INF2: variants seen among roughly 807,000 people sequenced by gnomAD.
The protein encoded by INF2 is inverted formin 2.
INF2 carries 43 observed loss-of-function variants against 123.5 expected under a neutral mutation model. That is an observed-to-expected ratio of 0.35 (90% CI 0.27 to 0.45). INF2 has a LOEUF of 0.45. Ranked by LOEUF, INF2 falls within the 20% of genes least tolerant of loss-of-function variation. INF2 has a pLI of 1.00. For synonymous variants in INF2, 851 were observed against 745.0 expected, an observed-to-expected ratio of 1.14 and a Z score of -2.32; for missense variants, 1,453 against 1,682.7, an observed-to-expected ratio of 0.86 and a Z score of 2.39.
upstream of INF2, among the ~76,000 whole-genome samples, chr14:104,687,821 C>T (rs1476584932): frequency 6.6e-6 from 1 of 152,218 alleles, no homozygotes; most frequent in East Asian, 1.9e-4. The surrounding 1 kb of genome is among the most constrained non-coding windows in gnomAD (Gnocchi z 5.6). Flanking sequence ...GGCAGGTGGA[C>T]AGGGGAGGGG....
chr14:104,681,197 G>A (rs558381999), exon 1 of INF2: 10 of 318,418 alleles, frequency 3.1e-5, no homozygotes, highest in African/African-American at 1.1e-4. Flanking sequence ...GAAATGGGGC[G>A]GGCGAGGAGT....
intron 22 of INF2, among the ~76,000 whole-genome samples, chr14:104,716,816 G>A (rs1165666134): frequency 6.6e-6 from 1 of 152,052 alleles, no homozygotes; most frequent in Non-Finnish European, 1.5e-5. Context: ...TCAGCCTCCC[G>A]AGTAGCTGGG....
chr14:104,711,533 A>C, intron 15 of INF2, 96 bp from the exon 16 acceptor site: 3 of 1,111,190 alleles, frequency 2.7e-6, no homozygotes, highest in Non-Finnish European at 4.1e-6. Context: ...TCTGGACCTT[A>C]ATTGCTAAGG....
Position 104,714,782 on chromosome 14 carries a change from T to C in INF2, c.3620T>C (p.Leu1207Pro), listed in dbSNP as rs772493072. The C allele has an allele frequency of 6.3e-7, 1 of 1,598,454 alleles. No individual in the cohort carries two copies. Among genetic ancestry groups the C allele is most frequent in the African/African-American group, 1.3e-5 (1 of 74,318 alleles). The change falls in exon 21 of 23, where the codon CTC becomes CCC. Residue 1207 changes from leucine (L) to proline (P), a missense_variant. Physicochemically the swap from Leu to Pro is moderately conservative, Grantham distance 98. Transcript: ENST00000392634. ...ACCGACTCCTCGGGGTCGGGCACAC[T>C]CCCCAGGGCCCGGGGCCGGGCCTCA... is the stretch of plus-strand genomic sequence containing the variant. ...AVTDSSGSGTLPRARGRASKG... is the reference protein window; with the variant it reads ...AVTDSSGSGTPPRARGRASKG...
intron 22 of INF2, among the ~76,000 whole-genome samples, chr14:104,716,689 T>C (rs1391085793): frequency 1.3e-5 from 2 of 152,074 alleles, no homozygotes; most frequent in Admixed American, 6.5e-5. Flanking sequence ...TCCCCAACTT[T>C]TTATTTTTTA....
chr14:104,695,597 C>CCCTCCTCCCAGTGACA (rs1889154606), intron 1 of INF2, among the ~76,000 whole-genome samples: 1 of 152,030 alleles, frequency 6.6e-6, no homozygotes, highest in Non-Finnish European at 1.5e-5. Context: ...TCCCAGTGAC[C>CCCTCCTCCCAGTGACA]CCTCCTCCCA....
intron 1 of INF2, among the ~76,000 whole-genome samples, chr14:104,693,725 G>A (rs912359909): frequency 2.0e-4 from 31 of 152,208 alleles, no homozygotes; most frequent in African/African-American, 6.5e-4. Context: ...CGGGTCGGGG[G>A]TGGACGTGGC....
At chr14:104,696,916 C>T (rs1297323838) in intron 1 of INF2, among the ~76,000 whole-genome samples, 1 of 152,110 alleles carries the variant, frequency 6.6e-6, no homozygotes, top group African/African-American at 2.4e-5. Flanking sequence ...ACCACAGCTG[C>T]CTGCCCACTC....
rs1315102819 is a variant in INF2 at position 104,695,491 on chromosome 14, A to C, written c.-10+5752A>C. On this transcript the variant is annotated intron_variant, in intron 1 of 22. Coordinates refer to ENST00000392634, the MANE Select transcript of INF2 (RefSeq NM_022489.4). The stretch of plus-strand genomic sequence containing the variant: ...CCGCCCACCCACCCAGGCCCTGCAC[A>C]CCCTCAGTGCAGGTGGAAGCGAGAG... 2.1e-5 allele frequency among the ~76,000 whole-genome samples: 3 copies of C among 143,714 alleles called. No homozygotes were observed. In the East Asian group the frequency reaches 6.1e-4, roughly 29 times the overall value. 94.3% of individuals were successfully genotyped at this position (143,714 alleles called of 152,430 possible).
chr14:104,712,654 G>A, intron 17 of INF2, 101 bp downstream of exon 17: 4 of 1,573,052 alleles, frequency 2.5e-6, no homozygotes, highest in Non-Finnish European at 3.5e-6. Flanking sequence ...GTGGATCCTG[G>A]GGCCCGAGTT....
intron 4 of INF2, 37 bp downstream of exon 4, chr14:104,703,491 C>T (rs1595166439): frequency 6.2e-7 from 1 of 1,605,762 alleles, no homozygotes; most frequent in South Asian, 1.1e-5. Flanking sequence ...CCGCTCCTGC[C>T]CGCCTCTTGG....
chr14:104,707,169 C>A, intron 7 of INF2, 84 bp from the exon 8 acceptor site: 1 of 1,511,080 alleles, frequency 6.6e-7, no homozygotes, highest in Non-Finnish European at 8.9e-7. Flanking sequence ...GGGAGGTGGC[C>A]GCTTTTTCCT....
chr14:104,712,821 C>T lies in INF2; in HGVS notation c.2611-7C>T, dbSNP rs770565682. 11 of 1,605,708 alleles carry T rather than the reference C, an allele frequency of 6.9e-6. No homozygotes were observed. Among genetic ancestry groups the T allele is most frequent in the Non-Finnish European group, 9.4e-6 (11 of 1,175,402 alleles). On this transcript the variant is annotated splice_polypyrimidine_tract_variant and splice_region_variant and intron_variant, in intron 17 of 22. Coordinates refer to ENST00000392634, the MANE Select transcript of INF2 (RefSeq NM_022489.4). ...CTCACGGGACTGTCACGTGCCCTTG[C>T]CCCCAGGCCAGCATCTCGGCCTTCC...
At chr14:104,690,680 T>A (rs1401934202) in intron 1 of INF2, 2 of 152,408 alleles carry the variant, frequency 1.3e-5, no homozygotes, top group East Asian at 3.9e-4. Context: ...CCCCTCCGTC[T>A]GGCACTGGAA....
Position 104,684,424 on chromosome 14 carries a change from C to A in INF2, c.-104+2842C>A. Reference sequence around the variant, plus strand: ...GAAATATTTCATAGAAATCAAGAAACATGAGTGAACGATGCACACCACCGC... The same window carrying A: ...GAAATATTTCATAGAAATCAAGAAAAATGAGTGAACGATGCACACCACCGC... On this transcript the variant is annotated intron_variant, in intron 1 of 2. Transcript: ENST00000674723. The surrounding 1 kb of genome is among the most constrained non-coding windows in gnomAD (Gnocchi z 5.0). 1 of 270,082 alleles carries A rather than the reference C, an allele frequency of 3.7e-6. No individual in the cohort carries two copies. Among genetic ancestry groups the A allele is most frequent in the Non-Finnish European group, 7.3e-6 (1 of 136,488 alleles). 16.7% of individuals were successfully genotyped at this position (270,082 alleles called of 1,614,324 possible).
chr14:104,713,333 G>T lies in INF2; in HGVS notation c.2878+24G>T, dbSNP rs200728095. The T allele has an allele frequency of 3.9e-6, 6 of 1,551,610 alleles. No individual in the cohort carries two copies. The Admixed American group carries it at 1.2e-4, about 30-fold the overall frequency. On this transcript the variant is annotated intron_variant, in intron 19 of 22. Transcript: ENST00000392634. ...TGGTGAGGCTGGGCCGGCTGGGCGGGGAGGGGGTGACTCTGGGATCCTTGT... is the reference window on the plus strand; with the variant it reads ...TGGTGAGGCTGGGCCGGCTGGGCGGTGAGGGGGTGACTCTGGGATCCTTGT...
chr14:104,685,348 G>C (rs1430724111), upstream of INF2, among the ~76,000 whole-genome samples: 1 of 152,098 alleles, frequency 6.6e-6, no homozygotes, highest in Non-Finnish European at 1.5e-5. Context: ...CTTGGAGTTT[G>C]AACTGAGAAA....
intron 1 of INF2, among the ~76,000 whole-genome samples, chr14:104,682,707 G>A (rs1888554697): frequency 6.6e-6 from 1 of 152,176 alleles, no homozygotes; most frequent in African/African-American, 2.4e-5. Flanking sequence ...GGTTCTGTAA[G>A]AACTGGGGAA....
At chr14:104,700,447 G>T (rs1386643412) in intron 1 of INF2, among the ~76,000 whole-genome samples, 1 of 152,190 alleles carries the variant, frequency 6.6e-6, no homozygotes, top group African/African-American at 2.4e-5. Flanking sequence ...GCTGTTCTCA[G>T]ACGCTAAATA....
Sources: gnomAD v4.1 joint callset for allele counts (sites outside exome capture counted in the v4.1 genomes callset) on GRCh38, gnomAD v4.1.1 for gene constraint, Gnocchi (gnomAD v3.1) non-coding constraint, MANE v1.5 for transcripts, NCBI Gene and HGNC (gene_info 2026-07-23, HGNC 2026-07-21) for gene names.